TRAPPC9: variants seen among roughly 807,000 people sequenced by gnomAD.
TRAPPC9 encodes IKK2 binding protein.
Under a neutral mutation model 124.0 loss-of-function variants are expected in TRAPPC9, and 83 were observed. The ratio of observed to expected loss-of-function variants is 0.67; its 90% CI spans 0.56 to 0.80. TRAPPC9 has a LOEUF of 0.80. TRAPPC9 is among the 30% of genes least tolerant of loss of function. The probability of loss-of-function intolerance (pLI) is 0.00; values close to 1 mark genes in which losing one functional copy is unlikely to be tolerated. For synonymous variants in TRAPPC9, 638 were observed against 617.5 expected, an observed-to-expected ratio of 1.03 and a Z score of -0.49; for missense variants, 1,302 against 1,508.3, an observed-to-expected ratio of 0.86 and a Z score of 2.27.
intron 8 of TRAPPC9, among the ~76,000 whole-genome samples, chr8:140,362,758 C>A (rs1345831743): frequency 2.6e-5 from 4 of 152,100 alleles, no homozygotes; most frequent in Non-Finnish European, 5.9e-5. Flanking sequence ...CATGACTAAC[C>A]TAGCCATGAA....
At chr8:140,119,160 G>A (rs920661360) in intron 17 of TRAPPC9, among the ~76,000 whole-genome samples, 3 of 152,226 alleles carry the variant, frequency 2.0e-5, no homozygotes, top group African/African-American at 7.2e-5. Context: ...AGCAGGAGAA[G>A]AGGACAAAAA....
intron 18 of TRAPPC9, among the ~76,000 whole-genome samples, chr8:140,003,749 G>A (rs1269939539): frequency 6.6e-6 from 1 of 152,198 alleles, no homozygotes; most frequent in African/African-American, 2.4e-5. Flanking sequence ...AGTAGAGATG[G>A]AAAATGGTAC....
chr8:139,775,513 C>T (rs772298220), intron 21 of TRAPPC9, among the ~76,000 whole-genome samples: 11 of 152,184 alleles, frequency 7.2e-5, no homozygotes, highest in Non-Finnish European at 1.0e-4. Flanking sequence ...TTTTCTGGGG[C>T]GCTGGGAAGT....
In TRAPPC9 at chr8:140,450,996, C is replaced by A. The variant is rs201041168; in HGVS notation, c.378G>T (p.Glu126Asp). ...FVFGLQGEIV[E>D]QPRTDVAFYP... is the part of the protein sequence containing the mutation. ...AGAAAGCCACGTCGGTGCGCGGCTG[C>A]TCCACGATCTCCCCCTGCAGCCCGA... The change falls in exon 2 of 23, where the codon GAG becomes GAT. Residue 126 changes from glutamate (E) to aspartate (D), a missense_variant. By Grantham distance (45) the Glu-to-Asp change is conservative (BLOSUM62 2). Transcript: ENST00000438773. 2 of 1,614,154 alleles carry A rather than the reference C, an allele frequency of 1.2e-6. No homozygotes were observed. Among genetic ancestry groups the A allele is most frequent in the Non-Finnish European group, 1.7e-6 (2 of 1,180,040 alleles).
Position 140,360,520 on chromosome 8 carries a change from T to C in TRAPPC9, c.1352-327A>G, listed in dbSNP as rs117076807. 0.018 allele frequency among the ~76,000 whole-genome samples: 2,765 copies of C among 152,202 alleles called. 33 individuals carry two copies. The highest frequency in any genetic ancestry group is 0.03 in the Non-Finnish European group (2,049 of 68,008). On this transcript the variant is annotated intron_variant, in intron 8 of 22. Coordinates refer to ENST00000438773, the MANE Select transcript of TRAPPC9 (RefSeq NM_001160372.4). ...ATCTGAGCTAGAGACATACTTTTTT[T>C]CCAAGAAAATACTCATATTTGAAGG... is the stretch of plus-strand genomic sequence containing the variant.
intron 21 of TRAPPC9, among the ~76,000 whole-genome samples, chr8:139,836,630 A>C (rs76186850): frequency 0.034 from 5,225 of 152,280 alleles, 303 homozygotes; most frequent in African/African-American, 0.12. Context: ...GTCCAAAAAG[A>C]ACTGAAGAGA....
In TRAPPC9 at chr8:139,728,348, T is replaced by C. The variant is rs1817654335; in HGVS notation, c.*2713A>G. ...CTCAGCTAGTGAAGTGCAATGGACA[T>C]GATCTGTTCCTGGCTTACCCTCCGC... On this transcript the variant is annotated 3_prime_UTR_variant, in exon 23 of 23. Transcript: ENST00000438773. 6.6e-6 allele frequency among the ~76,000 whole-genome samples: 1 copy of C among 152,220 alleles called. No homozygotes were observed. Among genetic ancestry groups the C allele is most frequent in the Non-Finnish European group, 1.5e-5 (1 of 68,034 alleles).
chr8:140,267,076 C>CAAA (rs113825366), intron 15 of TRAPPC9, among the ~76,000 whole-genome samples: 29,773 of 151,992 alleles, frequency 0.2, 2,984 homozygotes, highest in Admixed American at 0.23. Flanking sequence ...GTCAGGAAAG[C>CAAA]GAAGATGAGA....
chr8:139,915,154 G>A (rs966519159), intron 19 of TRAPPC9, among the ~76,000 whole-genome samples: 2 of 98,252 alleles, frequency 2.0e-5, no homozygotes, highest in Non-Finnish European at 4.3e-5. Flanking sequence ...CTGGAGGGTG[G>A]CGGTGGCGGT....
At chr8:140,051,747 G>A (rs917023428) in intron 17 of TRAPPC9, among the ~76,000 whole-genome samples, 2 of 152,058 alleles carry the variant, frequency 1.3e-5, no homozygotes, top group Non-Finnish European at 2.9e-5. Context: ...GCTCCCCCAC[G>A]TAGGACAAAG....
chr8:140,432,615 G>A (rs2070683135), intron 4 of TRAPPC9, among the ~76,000 whole-genome samples: 1 of 152,238 alleles, frequency 6.6e-6, no homozygotes, highest in Non-Finnish European at 1.5e-5. Flanking sequence ...GCTCACGCCT[G>A]TAATCCCAGC....
intron 19 of TRAPPC9, among the ~76,000 whole-genome samples, chr8:139,967,612 G>A (rs1217671872): frequency 6.6e-6 from 1 of 152,216 alleles, no homozygotes; most frequent in Non-Finnish European, 1.5e-5. Flanking sequence ...TGCTCCAGGA[G>A]CCCTGATCAC....
At chr8:139,874,849 G>A (rs893956074) in intron 21 of TRAPPC9, among the ~76,000 whole-genome samples, 4 of 152,280 alleles carry the variant, frequency 2.6e-5, no homozygotes, top group African/African-American at 7.2e-5. Flanking sequence ...CGCCCTGAGC[G>A]CCGTGGGAAA....
intron 7 of TRAPPC9, among the ~76,000 whole-genome samples, chr8:140,378,337 C>T (rs1446096982): frequency 6.6e-6 from 1 of 152,250 alleles, no homozygotes; most frequent in East Asian, 1.9e-4. Flanking sequence ...CAGACCCACA[C>T]TTCATCTGCT....
intron 17 of TRAPPC9, among the ~76,000 whole-genome samples, chr8:140,148,484 C>T (rs1045511681): frequency 6.6e-6 from 1 of 152,178 alleles, no homozygotes; most frequent in African/African-American, 2.4e-5. Flanking sequence ...GTCCATTTAT[C>T]ATCTCATCCT....
intron 21 of TRAPPC9, among the ~76,000 whole-genome samples, chr8:139,777,272 G>C (rs1206393937): frequency 6.6e-6 from 1 of 152,226 alleles, no homozygotes; most frequent in Admixed American, 6.5e-5. Flanking sequence ...GGGTCTGACA[G>C]ATGCTGGGTG....
At position 139,958,962 on chromosome 8, in the gene TRAPPC9, G is replaced by A. The variant is rs1259799622; in HGVS notation, c.2810+29764C>T. On this transcript the variant is annotated intron_variant, in intron 19 of 22. Coordinates refer to ENST00000438773, the MANE Select transcript of TRAPPC9 (RefSeq NM_001160372.4). ...ACTGCATTCCGAGTCACACGGGGGA[G>A]CCCTGCATTCCGAGTCACACGGGGG... Among the ~76,000 whole-genome samples the A allele has an allele frequency of 1.8e-4, 26 of 142,688 alleles. 3 individuals are homozygous for A. The highest frequency in any genetic ancestry group is 9.7e-4 in the Admixed American group (14 of 14,480). 93.6% of individuals were successfully genotyped at this position (142,688 alleles called of 152,430 possible).
chr8:140,088,675 C>T (rs1844362583), intron 17 of TRAPPC9, among the ~76,000 whole-genome samples: 1 of 152,234 alleles, frequency 6.6e-6, no homozygotes, highest in Admixed American at 6.5e-5. Flanking sequence ...TACAACTACG[C>T]TACTTCCTCA....
chr8:140,136,324 A>T (rs1263450167), intron 17 of TRAPPC9, among the ~76,000 whole-genome samples: 1 of 152,196 alleles, frequency 6.6e-6, no homozygotes, highest in Admixed American at 6.5e-5. Flanking sequence ...GCAGGAGCCC[A>T]CACAGGAGGA....
Sources: gnomAD v4.1 joint callset for allele counts (sites outside exome capture counted in the v4.1 genomes callset) on GRCh38, gnomAD v4.1.1 for gene constraint, MANE v1.5 for transcripts, NCBI Gene and HGNC (gene_info 2026-07-23, HGNC 2026-07-21) for gene names.